PEAK1: variants seen among roughly 807,000 people sequenced by gnomAD.
The protein encoded by PEAK1 is inactive tyrosine-protein kinase PEAK1.
PEAK1 carries 54 observed loss-of-function variants against 124.7 expected under a neutral mutation model. That is an observed-to-expected ratio of 0.43 (90% CI 0.35 to 0.54). The LOEUF is 0.54. Ranked by LOEUF, PEAK1 falls within the 20% of genes least tolerant of loss-of-function variation. The probability of loss-of-function intolerance (pLI) is 0.01; values close to 1 mark genes in which losing one functional copy is unlikely to be tolerated. For synonymous variants in PEAK1, 719 were observed against 760.0 expected (o/e 0.95, Z 0.89); for missense variants, 2,046 against 2,134.5 (o/e 0.96, Z 0.82).
chr15:77,214,816 C>T (rs755545734), intron 6 of PEAK1, among the ~76,000 whole-genome samples: 1 of 151,902 alleles, frequency 6.6e-6, no homozygotes, highest in Non-Finnish European at 1.5e-5. Context: ...TTTCCAACAA[C>T]CAGATCTCTC....
intron 1 of PEAK1, among the ~76,000 whole-genome samples, chr15:77,377,748 G>A (rs1404600759): frequency 6.6e-6 from 1 of 152,152 alleles, no homozygotes; most frequent in Non-Finnish European, 1.5e-5. Context: ...GGGATTACAG[G>A]CGTGAGCCAC....
chr15:77,377,421 A>G (rs560410527), intron 1 of PEAK1, among the ~76,000 whole-genome samples: 1 of 151,702 alleles, frequency 6.6e-6, no homozygotes, highest in Non-Finnish European at 1.5e-5. Flanking sequence ...ATAAACATAG[A>G]CAAGGTATGG....
At chr15:77,232,993 T>C (rs2059972423) in intron 6 of PEAK1, among the ~76,000 whole-genome samples, 1 of 152,190 alleles carries the variant, frequency 6.6e-6, no homozygotes, top group Admixed American at 6.5e-5. Context: ...GTGATCCACC[T>C]GCCTCGGCCT....
At chr15:77,295,717 G>A (rs2063452400) in intron 2 of PEAK1, among the ~76,000 whole-genome samples, 1 of 152,152 alleles carries the variant, frequency 6.6e-6, no homozygotes, top group Admixed American at 6.5e-5. Context: ...TCTTATAGTT[G>A]CGGAACATCT....
At chr15:77,306,576 G>C (rs2064116551) in intron 2 of PEAK1, among the ~76,000 whole-genome samples, 1 of 152,102 alleles carries the variant, frequency 6.6e-6, no homozygotes, top group Non-Finnish European at 1.5e-5. Flanking sequence ...TTTACGTTTT[G>C]AACTGCCTAA....
At chr15:77,307,731 G>C (rs1020559029) in intron 2 of PEAK1, among the ~76,000 whole-genome samples, 2 of 151,986 alleles carry the variant, frequency 1.3e-5, no homozygotes, top group African/African-American at 2.4e-5. Flanking sequence ...TTTAGCTTTT[G>C]CATGTACTTC....
At chr15:77,178,047 A>G (rs188934868) in intron 7 of PEAK1, 3 of 152,300 alleles carry the variant, frequency 2.0e-5, no homozygotes, top group Non-Finnish European at 4.4e-5. Context: ...CAAATTTATA[A>G]GGATTTGAGA....
chr15:77,179,267 T>C lies in PEAK1; in HGVS notation c.2660A>G (p.Gln887Arg), dbSNP rs750055088. 8.1e-6 allele frequency: 13 copies of C among 1,614,138 alleles called. No homozygotes were observed. Among genetic ancestry groups the C allele is most frequent in the South Asian group, 1.1e-5 (1 of 91,080 alleles). ...SSPYHAGNLL[Q>R]RHFTNWTKPT... The stretch of plus-strand genomic sequence containing the variant: ...CTTGGTCCAGTTGGTGAAATGCCTC[T>C]GCAAAAGGTTACCTGCATGGTAAGG... Residue 887 changes from glutamine to arginine, a missense_variant, in exon 7 of 10, where the codon CAG becomes CGG. Gln to Arg is a conservative substitution (Grantham distance 43, BLOSUM62 1). Transcript: ENST00000682557.
At chr15:77,318,153 T>C (rs1226451464) in intron 2 of PEAK1, among the ~76,000 whole-genome samples, 1 of 150,746 alleles carries the variant, frequency 6.6e-6, no homozygotes, top group African/African-American at 2.4e-5. Flanking sequence ...GGTAACAAAA[T>C]TGCATGCATG....
chr15:77,166,033 T>C (rs960503856), intron 7 of PEAK1, among the ~76,000 whole-genome samples: 8 of 152,224 alleles, frequency 5.3e-5, no homozygotes, highest in African/African-American at 1.9e-4. Flanking sequence ...CTTTTACTTT[T>C]AGTTAGAAGA....
intron 1 of PEAK1, among the ~76,000 whole-genome samples, chr15:77,383,072 G>C (rs952021531): frequency 2.0e-5 from 3 of 148,766 alleles, no homozygotes; most frequent in African/African-American, 7.5e-5. Context: ...GCCCAGGCTG[G>C]AGCGTAAGTG....
intron 5 of PEAK1, among the ~76,000 whole-genome samples, chr15:77,271,374 G>C (rs373351146): frequency 2.0e-5 from 3 of 152,122 alleles, no homozygotes; most frequent in Admixed American, 6.6e-5. Flanking sequence ...TCAGTGTGGC[G>C]ATTCCTCAGG....
intron 8 of PEAK1, chr15:77,157,050 A>C (rs565533322): frequency 6.6e-6 from 1 of 152,360 alleles, no homozygotes; most frequent in Non-Finnish European, 1.5e-5. Context: ...TTTCAACTGC[A>C]TATGGGTTGT....
At chr15:77,407,946 C>CAT (rs1189195031) in intron 1 of PEAK1, among the ~76,000 whole-genome samples, 2 of 81,096 alleles carry the variant, frequency 2.5e-5, no homozygotes, top group South Asian at 3.8e-4. Context: ...CATATATACA[C>CAT]ATATACACAC....
intron 6 of PEAK1, among the ~76,000 whole-genome samples, chr15:77,195,483 A>G (rs1313656525): frequency 6.6e-6 from 1 of 152,190 alleles, no homozygotes; most frequent in African/African-American, 2.4e-5. Flanking sequence ...GACAAGTGAG[A>G]GGAAGAATAG....
rs771171434 is a variant in PEAK1 at position 77,179,768 on chromosome 15, G to C, written c.2159C>G (p.Pro720Arg). The C allele has an allele frequency of 6.2e-7, 1 of 1,613,976 alleles. No individual in the cohort carries two copies. The highest frequency in any genetic ancestry group is 1.3e-5 in the African/African-American group (1 of 74,900). Residue 720 changes from proline to arginine, a missense_variant, in exon 7 of 10, where the codon CCA becomes CGA. By Grantham distance (103) the Pro-to-Arg change is moderately radical (BLOSUM62 -2). Transcript: ENST00000682557. ...NNCLNRGQSS[P>R]QRSYSSSHSS... ...GTGGCTGGAACTATAGCTTCTCTGT[G>C]GTGAAGACTGACCTCTGTTGAGACA... is the stretch of plus-strand genomic sequence containing the variant.
chr15:77,383,577 CA>C (rs2069668972), intron 1 of PEAK1, among the ~76,000 whole-genome samples: 1 of 152,116 alleles, frequency 6.6e-6, no homozygotes, highest in Non-Finnish European at 1.5e-5. Flanking sequence ...GTGTGAAAAA[CA>C]AAAAGCAAGC....
intron 6 of PEAK1, among the ~76,000 whole-genome samples, chr15:77,243,890 C>T (rs1343428370): frequency 1.3e-5 from 2 of 152,016 alleles, no homozygotes; most frequent in Non-Finnish European, 2.9e-5. Context: ...ATCTCTTGAA[C>T]TTGAGAGGGG....
chr15:77,253,242 C>CAT (rs1555457239), intron 5 of PEAK1, among the ~76,000 whole-genome samples: 1 of 62,660 alleles, frequency 1.6e-5, no homozygotes, highest in African/African-American at 3.9e-5. Context: ...TTTTGGTATG[C>CAT]GTTGGGGGGG....
Sources: gnomAD v4.1 joint callset for allele counts (sites outside exome capture counted in the v4.1 genomes callset) on GRCh38, gnomAD v4.1.1 for gene constraint, MANE v1.5 for transcripts, NCBI Gene and HGNC (gene_info 2026-07-23, HGNC 2026-07-21) for gene names.